Variants in FAM193A observed in about 807,000 individuals in gnomAD.
The protein encoded by FAM193A is family with sequence similarity 193 member A, also known as protein FAM193A.
FAM193A carries 22 observed loss-of-function variants against 126.5 expected under a neutral mutation model. That is an observed-to-expected ratio of 0.17 (90% confidence interval 0.12 to 0.25). The LOEUF is 0.25. Among genes scored for constraint, FAM193A ranks in the 10% least tolerant of loss-of-function variants. The pLI is 1.00. For missense variants in FAM193A, 1,675 were observed against 1,672.8 expected, an observed-to-expected ratio of 1.00 and a Z score of -0.02; for synonymous variants, 761 against 646.8, an observed-to-expected ratio of 1.18 and a Z score of -2.68.
intron 19 of FAM193A, among the ~76,000 whole-genome samples, chr4:2,707,823 AG>A (rs765040362): frequency 2.0e-5 from 3 of 148,936 alleles, no homozygotes; most frequent in East Asian, 2.0e-4. Context: ...TTTATTTCCC[AG>A]GTTCAATTCC....
intron 12 of FAM193A, among the ~76,000 whole-genome samples, chr4:2,671,859 G>C (rs752688757): frequency 3.9e-5 from 6 of 152,162 alleles, no homozygotes; most frequent in Non-Finnish European, 7.3e-5. Flanking sequence ...TTCTGCATAG[G>C]CATAGGATTC....
intron 20 of FAM193A, among the ~76,000 whole-genome samples, chr4:2,723,779 G>A (rs1000111842): frequency 2.0e-5 from 3 of 150,670 alleles, no homozygotes; most frequent in Admixed American, 6.6e-5. Flanking sequence ...TGGTTTTGGA[G>A]GGTTGGGGTT....
chr4:2,714,882 G>C (rs971968606), intron 19 of FAM193A, among the ~76,000 whole-genome samples: 1 of 152,160 alleles, frequency 6.6e-6, no homozygotes, highest in Non-Finnish European at 1.5e-5. Flanking sequence ...CATCGATGAG[G>C]CTGAATGCTG....
chr4:2,684,328 T>G (rs2109232073), intron 13 of FAM193A, among the ~76,000 whole-genome samples: 1 of 152,306 alleles, frequency 6.6e-6, no homozygotes, highest in South Asian at 2.1e-4. Context: ...AGCCTGCCAC[T>G]TAAGTCCTGA....
chr4:2,574,986 T>G (rs757229060), intron 1 of FAM193A, among the ~76,000 whole-genome samples: 1 of 152,060 alleles, frequency 6.6e-6, no homozygotes, highest in Admixed American at 6.5e-5. Context: ...CTCTGTTGGC[T>G]CACACTCCTC....
intron 2 of FAM193A, among the ~76,000 whole-genome samples, chr4:2,609,023 T>C (rs536677458): frequency 6.6e-6 from 1 of 151,892 alleles, no homozygotes; most frequent in African/African-American, 2.4e-5. Flanking sequence ...CCCGAGTAGC[T>C]GGGACTACAG....
chr4:2,731,166 A>T (rs1721331613), intron 20 of FAM193A, among the ~76,000 whole-genome samples: 1 of 137,510 alleles, frequency 7.3e-6, no homozygotes, highest in South Asian at 2.5e-4. Flanking sequence ...ATTGCACTCT[A>T]GCCTGGATGA....
At chr4:2,723,461 G>A (rs1163509090) in intron 20 of FAM193A, among the ~76,000 whole-genome samples, 1 of 151,292 alleles carries the variant, frequency 6.6e-6, no homozygotes, top group Non-Finnish European at 1.5e-5. Flanking sequence ...TGTAATCCCA[G>A]CTGCTCGGGA....
At chr4:2,557,728 G>A (rs550204092) in intron 1 of FAM193A, among the ~76,000 whole-genome samples, 72 of 152,172 alleles carry the variant, frequency 4.7e-4, no homozygotes, top group Middle Eastern at 3.4e-3. Flanking sequence ...TGGGATGGAC[G>A]GATCATGAGG....
At chr4:2,711,601 A>G (rs1454472221) in intron 19 of FAM193A, among the ~76,000 whole-genome samples, 1 of 151,252 alleles carries the variant, frequency 6.6e-6, no homozygotes, top group Non-Finnish European at 1.5e-5. Context: ...CTGCCTCCCA[A>G]AGTGCTGGGA....
At position 2,700,147 on chromosome 4, in the gene FAM193A, C is replaced by T. The variant is rs140003954; in HGVS notation, c.3975C>T (p.Phe1325=). 1.7e-5 allele frequency: 27 copies of T among 1,613,318 alleles called. No homozygotes were observed. Among genetic ancestry groups the T allele is most frequent in the East Asian group, 1.1e-4 (5 of 44,824 alleles). ...AGCATGAGCCACTCTCTTTTTTCTT[C>T]GACATCATGCAGCACCATAAAGAAG... ...GKQHEPLSFF[F]DIMQHHKEGN... Residue 1325 remains phenylalanine (F), a synonymous_variant, in exon 19 of 21, where the codon TTC becomes TTT. Coordinates refer to ENST00000637812, the MANE Select transcript of FAM193A (RefSeq NM_001366318.2).
intron 4 of FAM193A, among the ~76,000 whole-genome samples, chr4:2,627,340 T>G (rs1447106185): frequency 6.6e-6 from 1 of 151,550 alleles, no homozygotes; most frequent in East Asian, 1.9e-4. Context: ...TTTGTATTTT[T>G]AATAGAGATG....
At chr4:2,635,060 A>G (rs1057178196) in intron 5 of FAM193A, among the ~76,000 whole-genome samples, 1 of 152,218 alleles carries the variant, frequency 6.6e-6, no homozygotes, top group Non-Finnish European at 1.5e-5. Flanking sequence ...TGTCTCTAAA[A>G]ATAGTCATCC....
chr4:2,704,652 T>A (rs959293978), intron 19 of FAM193A, among the ~76,000 whole-genome samples: 22 of 152,192 alleles, frequency 1.4e-4, no homozygotes, highest in African/African-American at 5.3e-4. Context: ...AACCCTCCAG[T>A]CAGCCCACCC....
intron 1 of FAM193A, among the ~76,000 whole-genome samples, chr4:2,539,508 A>G (rs560282388): frequency 6.6e-6 from 1 of 151,596 alleles, no homozygotes; most frequent in Admixed American, 6.6e-5. Context: ...GTAACCTCCA[A>G]TTTCTGGGCT....
At chr4:2,666,928 C>T (rs1264010478) in intron 12 of FAM193A, among the ~76,000 whole-genome samples, 3 of 152,268 alleles carry the variant, frequency 2.0e-5, no homozygotes, top group Non-Finnish European at 4.4e-5. Flanking sequence ...TCTCTGTTTT[C>T]GTTTCTGTGT....
chr4:2,617,833 A>G (rs1742304302), intron 2 of FAM193A, among the ~76,000 whole-genome samples: 1 of 152,118 alleles, frequency 6.6e-6, no homozygotes, highest in South Asian at 2.1e-4. Context: ...TTAAATAGCG[A>G]ATTATCTTTT....
chr4:2,731,212 A>AC (rs1266932729), intron 20 of FAM193A, among the ~76,000 whole-genome samples: 1 of 106,676 alleles, frequency 9.4e-6, no homozygotes, highest in Admixed American at 1.2e-4. Flanking sequence ...AAAAAAAAAA[A>AC]AAAAAAAAAA....
chr4:2,655,447 C>CTGTGTGTG (rs374208792), intron 7 of FAM193A, among the ~76,000 whole-genome samples: 9 of 148,858 alleles, frequency 6.0e-5, no homozygotes, highest in African/African-American at 2.2e-4. Flanking sequence ...GCGTGTGCGC[C>CTGTGTGTG]TGTGTGTGTG....
Sources: allele counts gnomAD v4.1 joint callset (sites outside exome capture counted in the v4.1 genomes callset), GRCh38; gene constraint gnomAD v4.1.1; transcripts MANE v1.5; gene names NCBI Gene and HGNC (gene_info 2026-07-23, HGNC 2026-07-21).